THSD7A: variants seen among roughly 807,000 people sequenced by gnomAD.
THSD7A encodes the protein thrombospondin type 1 domain containing 7A.
Under a neutral mutation model 231.3 loss-of-function variants are expected in THSD7A, and 96 were observed. That is an observed-to-expected ratio of 0.41 (90% CI 0.35 to 0.49). THSD7A has a LOEUF of 0.49. Ranked by LOEUF, THSD7A falls within the 20% of genes least tolerant of loss-of-function variation. The probability of loss-of-function intolerance (pLI) is 0.05; values close to 1 mark genes in which losing one functional copy is unlikely to be tolerated. For synonymous variants in THSD7A, 940 were observed against 743.3 expected, an observed-to-expected ratio of 1.26 and a Z score of -4.30; for missense variants, 2,290 against 2,070.2, an observed-to-expected ratio of 1.11 and a Z score of -2.06.
At chr7:11,727,023 C>T (rs932921454) in intron 1 of THSD7A, among the ~76,000 whole-genome samples, 4 of 151,946 alleles carry the variant, frequency 2.6e-5, no homozygotes, top group Admixed American at 2.0e-4. Context: ...GCAAGAGTTC[C>T]CAGGCTCACT....
chr7:11,707,887 T>G (rs1233949351), intron 1 of THSD7A, among the ~76,000 whole-genome samples: 2 of 150,900 alleles, frequency 1.3e-5, no homozygotes, highest in African/African-American at 4.8e-5. Context: ...TCTTTTTTTT[T>G]GATTGTTTAA....
At chr7:11,413,389 G>A (rs369805170) in intron 17 of THSD7A, among the ~76,000 whole-genome samples, 4 of 151,914 alleles carry the variant, frequency 2.6e-5, no homozygotes, top group Admixed American at 2.6e-4. Flanking sequence ...TGAGTTCTCG[G>A]CCTTTAGGCG....
At chr7:11,825,284 T>C (rs371397119) in intron 1 of THSD7A, among the ~76,000 whole-genome samples, 229 of 152,256 alleles carry the variant, frequency 1.5e-3, no homozygotes, top group African/African-American at 5.2e-3. Flanking sequence ...TCAGAACTTC[T>C]GTCATTGTTC....
chr7:11,436,197 AC>A (rs1784627022), intron 13 of THSD7A, among the ~76,000 whole-genome samples: 1 of 152,062 alleles, frequency 6.6e-6, no homozygotes, highest in Non-Finnish European at 1.5e-5. Flanking sequence ...AGGAATACAA[AC>A]ATATTTGATG....
chr7:11,473,758 CT>C (rs749167775), intron 8 of THSD7A, among the ~76,000 whole-genome samples: 46 of 152,212 alleles, frequency 3.0e-4, no homozygotes, highest in Non-Finnish European at 4.7e-4. Context: ...CAAAAGCACC[CT>C]GAGAAAATGA....
At chr7:11,569,563 A>G (rs138056737) in intron 4 of THSD7A, among the ~76,000 whole-genome samples, 2 of 152,336 alleles carry the variant, frequency 1.3e-5, no homozygotes, top group African/African-American at 2.4e-5. Flanking sequence ...AGTGAACAAG[A>G]GTTCCCTGTT....
chr7:11,520,447 A>G (rs1442387937), intron 6 of THSD7A, among the ~76,000 whole-genome samples: 2 of 152,324 alleles, frequency 1.3e-5, no homozygotes, highest in East Asian at 3.9e-4. Flanking sequence ...TTTAAAATTA[A>G]TTATATACCT....
intron 1 of THSD7A, among the ~76,000 whole-genome samples, chr7:11,765,210 A>G (rs1782994563): frequency 6.6e-6 from 1 of 152,226 alleles, no homozygotes; most frequent in Admixed American, 6.5e-5. Flanking sequence ...TTCACTATAA[A>G]GGAGAAAAAT....
At chr7:11,591,415 G>C (rs182642544) in intron 3 of THSD7A, among the ~76,000 whole-genome samples, 1 of 152,030 alleles carries the variant, frequency 6.6e-6, no homozygotes, top group Admixed American at 6.6e-5. Flanking sequence ...AAGGAAAATG[G>C]ATGTTCTAAA....
chr7:11,543,290 A>C (rs904828008), intron 4 of THSD7A, among the ~76,000 whole-genome samples, 173 bp from the exon 5 acceptor site: 1 of 152,246 alleles, frequency 6.6e-6, no homozygotes, highest in Non-Finnish European at 1.5e-5. Flanking sequence ...GAATGGAAAT[A>C]AAAGAGGCAA....
chr7:11,401,532 C>T (rs1783402176), intron 23 of THSD7A, among the ~76,000 whole-genome samples: 1 of 152,086 alleles, frequency 6.6e-6, no homozygotes, highest in African/African-American at 2.4e-5. Context: ...ATTCTCCTGC[C>T]TCAGCCTCCT....
At chr7:11,553,923 T>C (rs902823928) in intron 4 of THSD7A, among the ~76,000 whole-genome samples, 1 of 151,964 alleles carries the variant, frequency 6.6e-6, no homozygotes, top group African/African-American at 2.4e-5. Context: ...ACACATACTA[T>C]ATAACCTCTA....
chr7:11,607,382 A>G (rs936990740), intron 2 of THSD7A, among the ~76,000 whole-genome samples: 1 of 152,148 alleles, frequency 6.6e-6, no homozygotes, highest in Admixed American at 6.6e-5. Flanking sequence ...GACCCTGAGT[A>G]GATAGTGATC....
chr7:11,651,189 A>G (rs1381123892), intron 1 of THSD7A, among the ~76,000 whole-genome samples: 1 of 152,088 alleles, frequency 6.6e-6, no homozygotes, highest in Non-Finnish European at 1.5e-5. Context: ...ACACAAAAGG[A>G]CAAATACTGT....
Position 11,375,875 on chromosome 7 carries a change from T to A in THSD7A, c.4893A>T (p.Lys1631Asn), listed in dbSNP as rs1344955271. The A allele has an allele frequency of 6.2e-7, 1 of 1,612,518 alleles. No homozygotes were observed. The highest frequency in any genetic ancestry group is 2.2e-5 in the East Asian group (1 of 44,846). ...FIVSMIYLAC[K>N]KPKKPQRRQN... ...GCCTTCTTTGGGGTTTCTTTGGCTT[T>A]TTGCTGTAAAAAAATTCGGAATTAG... Residue 1631 changes from lysine to asparagine, a missense_variant, in exon 28 of 28, where the codon AAA becomes AAT. Lys to Asn is a moderately conservative substitution (Grantham distance 94, BLOSUM62 0). Transcript: ENST00000423059.
chr7:11,712,910 T>C (rs542718015), intron 1 of THSD7A, among the ~76,000 whole-genome samples: 69 of 151,260 alleles, frequency 4.6e-4, no homozygotes, highest in African/African-American at 1.6e-3. Flanking sequence ...AGATTCTAGA[T>C]GAACTTAAGT....
intron 13 of THSD7A, among the ~76,000 whole-genome samples, chr7:11,440,265 A>T (rs1326724161): frequency 6.6e-6 from 1 of 152,064 alleles, no homozygotes; most frequent in Non-Finnish European, 1.5e-5. Flanking sequence ...GTTCTTATTG[A>T]CAACGCATGT....
chr7:11,605,391 C>T (rs1780700573), intron 2 of THSD7A, among the ~76,000 whole-genome samples: 1 of 152,044 alleles, frequency 6.6e-6, no homozygotes, highest in African/African-American at 2.4e-5. Context: ...CATCTGCAGT[C>T]TAGGGCACTG....
At chr7:11,747,847 TAG>T (rs1782361417) in intron 1 of THSD7A, among the ~76,000 whole-genome samples, 1 of 151,874 alleles carries the variant, frequency 6.6e-6, no homozygotes, top group Non-Finnish European at 1.5e-5. Flanking sequence ...AATGGACAAG[TAG>T]AGATTCTTGG....
Sources: allele counts gnomAD v4.1 joint callset (sites outside exome capture counted in the v4.1 genomes callset), GRCh38; gene constraint gnomAD v4.1.1; transcripts MANE v1.5; gene names NCBI Gene and HGNC (gene_info 2026-07-23, HGNC 2026-07-21).